Variants in ERCC6L2 observed in about 807,000 individuals in gnomAD.
The protein encoded by ERCC6L2 is DNA excision repair protein ERCC-6-like 2.
In ERCC6L2, 77 loss-of-function variants were observed where a neutral mutation model predicts 132.0. That is an observed-to-expected ratio of 0.58 (90% CI 0.49 to 0.71). The LOEUF is 0.71. ERCC6L2 is among the 30% of genes least tolerant of loss of function. The pLI, the probability that ERCC6L2 is intolerant of heterozygous loss-of-function variation, is 0.00. For synonymous variants in ERCC6L2, 583 were observed against 632.4 expected, an observed-to-expected ratio of 0.92 and a Z score of 1.17; for missense variants, 1,542 against 1,837.6, an observed-to-expected ratio of 0.84 and a Z score of 2.94.
At chr9:95,978,255 A>AT (rs1490701704) in intron 17 of ERCC6L2, 40 bp downstream of exon 17, 1 of 1,271,476 alleles carries the variant, frequency 7.9e-7, no homozygotes, top group South Asian at 1.3e-5. Flanking sequence ...TAGTTACCTC[A>AT]TTTTTCACAG....
chr9:95,897,768 A>G (rs1828544927), intron 2 of ERCC6L2, 81 bp from the exon 3 acceptor site: 2 of 1,382,906 alleles, frequency 1.4e-6, no homozygotes, highest in Non-Finnish European at 2.0e-6. Flanking sequence ...TTTGTCACTA[A>G]TTGAATAGTC....
chr9:95,991,184 C>G (rs755952023), intron 17 of ERCC6L2, among the ~76,000 whole-genome samples: 2 of 152,062 alleles, frequency 1.3e-5, no homozygotes, highest in Admixed American at 6.5e-5. Context: ...ACGGGGTCAG[C>G]TGTTTCCACG....
At chr9:95,985,514 G>A (rs1833062209) in intron 17 of ERCC6L2, among the ~76,000 whole-genome samples, 1 of 152,170 alleles carries the variant, frequency 6.6e-6, no homozygotes, top group African/African-American at 2.4e-5. Context: ...GTCATTATAT[G>A]TCATCTGTTG....
chr9:95,877,728 C>G (rs1377350753), intron 1 of ERCC6L2, among the ~76,000 whole-genome samples: 1 of 151,510 alleles, frequency 6.6e-6, no homozygotes, highest in Non-Finnish European at 1.5e-5. Context: ...GATGGCTGAG[C>G]TCAGGAGTTG....
intron 17 of ERCC6L2, among the ~76,000 whole-genome samples, chr9:95,991,379 C>A (rs1833295709): frequency 6.6e-6 from 1 of 152,114 alleles, no homozygotes; most frequent in Non-Finnish European, 1.5e-5. Context: ...CCCTTTACTG[C>A]CCATCTTTTT....
At chr9:95,978,295 C>T (rs1832757355) in intron 17 of ERCC6L2, 80 bp downstream of exon 17, 2 of 940,050 alleles carry the variant, frequency 2.1e-6, no homozygotes, top group Admixed American at 4.0e-5. Context: ...TCTCTAAGTA[C>T]TCCCTCAAAA....
Position 95,935,701 on chromosome 9 carries a change from G to A in ERCC6L2, c.1752-5753G>A, listed in dbSNP as rs145268083. Among the ~76,000 whole-genome samples, 45 of 152,222 alleles carry A rather than the reference G, an allele frequency of 3.0e-4. No homozygotes were observed. The East Asian group carries it at 8.7e-3, about 29-fold the overall frequency. ...AACTTTAAATGTTTTGGTCACTTGT[G>A]GTATAGTTATCAAGAATGACTGGTG... On this transcript the variant is annotated intron_variant, in intron 11 of 18. Transcript: ENST00000653738.
At chr9:95,959,461 T>C (rs995573885) in intron 13 of ERCC6L2, among the ~76,000 whole-genome samples, 1 of 151,788 alleles carries the variant, frequency 6.6e-6, no homozygotes, top group Non-Finnish European at 1.5e-5. Context: ...ATTCAGGACA[T>C]AGGCATGGGC....
intron 12 of ERCC6L2, among the ~76,000 whole-genome samples, chr9:95,951,935 C>G (rs1831350476): frequency 6.6e-6 from 1 of 151,688 alleles, no homozygotes; most frequent in Admixed American, 6.6e-5. Flanking sequence ...TTTAGGAGGT[C>G]AAGGCAGGCG....
chr9:95,927,187 CTTTTT>C (rs1830136663), intron 9 of ERCC6L2, among the ~76,000 whole-genome samples: 1 of 151,796 alleles, frequency 6.6e-6, no homozygotes. Flanking sequence ...AACTCCATAG[CTTTTT>C]TTGAGGGACT....
chr9:95,980,742 A>T (rs1196352385), intron 17 of ERCC6L2, among the ~76,000 whole-genome samples: 1 of 152,192 alleles, frequency 6.6e-6, no homozygotes, highest in Non-Finnish European at 1.5e-5. Flanking sequence ...AAAATTAAAA[A>T]GTTACGAGAA....
intron 13 of ERCC6L2, among the ~76,000 whole-genome samples, chr9:95,962,931 C>T (rs1831980261): frequency 1.3e-5 from 2 of 152,060 alleles, no homozygotes; most frequent in Non-Finnish European, 2.9e-5. Context: ...GAAGGATGCA[C>T]CTAAACGTTA....
At chr9:95,934,364 TCA>T (rs1171019024) in intron 11 of ERCC6L2, among the ~76,000 whole-genome samples, 1 of 152,020 alleles carries the variant, frequency 6.6e-6, no homozygotes, top group Non-Finnish European at 1.5e-5. Context: ...TTATATACAT[TCA>T]GTTTTGCCAA....
Position 96,013,317 on chromosome 9 carries a change from T to C in ERCC6L2, c.*114T>C. ...GTTGTTGACATATATTTTTATTAAA[T>C]TATTGCTTTAGGATTTTTTGAAGTC... is the stretch of plus-strand genomic sequence containing the variant. On this transcript the variant is annotated 3_prime_UTR_variant, in exon 19 of 19. Transcript: ENST00000653738. 1.0e-6 allele frequency: 1 copy of C among 962,746 alleles called. No individual in the cohort carries two copies. Among genetic ancestry groups the C allele is most frequent in the Non-Finnish European group, 1.4e-6 (1 of 721,112 alleles). 59.6% of individuals were successfully genotyped at this position (962,746 alleles called of 1,614,324 possible).
At chr9:95,964,068 T>C (rs916326427) in intron 13 of ERCC6L2, among the ~76,000 whole-genome samples, 2 of 152,146 alleles carry the variant, frequency 1.3e-5, no homozygotes, top group Non-Finnish European at 2.9e-5. Flanking sequence ...CGCATAACCC[T>C]TAGTGTTCAT....
At position 96,016,591 on chromosome 9, in the gene ERCC6L2, C is replaced by T. The variant is rs1834189341; in HGVS notation, c.*3388C>T. ...TGCAGCTGCCCCTAAGTATTCAAGG[C>T]AAAGAAGCCTTAGTTTGCAGAGATG... On this transcript the variant is annotated 3_prime_UTR_variant, in exon 19 of 19. Coordinates refer to ENST00000653738, the MANE Select transcript of ERCC6L2 (RefSeq NM_020207.7). Among the ~76,000 whole-genome samples the T allele has an allele frequency of 6.6e-6, 1 of 152,158 alleles. No individual in the cohort carries two copies. The highest frequency in any genetic ancestry group is 1.5e-5 in the Non-Finnish European group (1 of 68,038).
intron 12 of ERCC6L2, among the ~76,000 whole-genome samples, chr9:95,946,709 A>T (rs187492259): frequency 4.3e-4 from 65 of 152,296 alleles, no homozygotes; most frequent in African/African-American, 1.5e-3. Context: ...AGGTTTGTAG[A>T]GATGTTGAGT....
intron 8 of ERCC6L2, 79 bp from the exon 9 acceptor site, chr9:95,923,181 T>G: frequency 2.7e-6 from 4 of 1,490,712 alleles, no homozygotes; most frequent in Non-Finnish European, 3.6e-6. Flanking sequence ...AAAAGAATTT[T>G]TTTCATAAAT....
chr9:96,001,109 G>A (rs1025042487), intron 17 of ERCC6L2, among the ~76,000 whole-genome samples: 1 of 152,008 alleles, frequency 6.6e-6, no homozygotes, highest in South Asian at 2.1e-4. Context: ...CGGTGGGCTC[G>A]TGGTCTCGCT....
Sources: gnomAD v4.1 joint callset for allele counts (sites outside exome capture counted in the v4.1 genomes callset) on GRCh38, gnomAD v4.1.1 for gene constraint, MANE v1.5 for transcripts, NCBI Gene and HGNC (gene_info 2026-07-23, HGNC 2026-07-21) for gene names.